Variants in TTC29 observed in about 807,000 individuals in gnomAD.
The protein encoded by TTC29 is tetratricopeptide repeat protein 29.
Under a neutral mutation model 58.1 loss-of-function variants are expected in TTC29, and 49 were observed. That is an observed-to-expected ratio of 0.84 (90% CI 0.67 to 1.07). The LOEUF is 1.07. TTC29 is among the 50% of genes least tolerant of loss of function. The pLI, the probability that TTC29 is intolerant of heterozygous loss-of-function variation, is 0.00. For missense variants in TTC29, 582 were observed against 555.6 expected (o/e 1.05, Z -0.48); for synonymous variants, 209 against 196.8 (o/e 1.06, Z -0.52).
intron 11 of TTC29, among the ~76,000 whole-genome samples, chr4:146,748,411 C>T (rs868165692): frequency 7.2e-5 from 11 of 152,142 alleles, no homozygotes; most frequent in African/African-American, 2.4e-4. Flanking sequence ...AACCTGGCTC[C>T]ACTGCCACTC....
chr4:146,842,495 T>C (rs1376719587), intron 8 of TTC29, among the ~76,000 whole-genome samples: 2 of 152,088 alleles, frequency 1.3e-5, no homozygotes, highest in Non-Finnish European at 2.9e-5. Flanking sequence ...CCCTACAGGT[T>C]AGCCATATTT....
intron 11 of TTC29, among the ~76,000 whole-genome samples, chr4:146,745,557 G>GAAC (rs1182221663): frequency 2.0e-5 from 3 of 152,190 alleles, no homozygotes; most frequent in Admixed American, 1.3e-4. Flanking sequence ...GCTAAAGTCT[G>GAAC]AACAATGGTT....
At chr4:146,898,915 C>A (rs1732953138) in intron 6 of TTC29, among the ~76,000 whole-genome samples, 2 of 152,122 alleles carry the variant, frequency 1.3e-5, no homozygotes, top group Admixed American at 6.5e-5. Flanking sequence ...GCCTCCTGCA[C>A]AGCTCAATGT....
intron 4 of TTC29, among the ~76,000 whole-genome samples, chr4:146,919,246 T>A (rs1450452993): frequency 2.0e-5 from 3 of 151,174 alleles, no homozygotes; most frequent in Non-Finnish European, 4.5e-5. Context: ...GCAAATCATA[T>A]GGATTCTTGT....
intron 8 of TTC29, among the ~76,000 whole-genome samples, chr4:146,853,921 T>A (rs1729671230): frequency 6.6e-6 from 1 of 152,116 alleles, no homozygotes; most frequent in African/African-American, 2.4e-5. Flanking sequence ...TGGGATCTTC[T>A]GTTTGACGGC....
chr4:146,757,028 C>T (rs565296377), intron 11 of TTC29, among the ~76,000 whole-genome samples: 1 of 152,242 alleles, frequency 6.6e-6, no homozygotes, highest in Admixed American at 6.5e-5. Context: ...AATTCTTTTT[C>T]AGGTAAATCA....
intron 11 of TTC29, among the ~76,000 whole-genome samples, chr4:146,714,529 G>A (rs549949652): frequency 6.6e-6 from 1 of 150,728 alleles, no homozygotes; most frequent in African/African-American, 2.4e-5. Flanking sequence ...AATTGCTGAA[G>A]ACTATAAACC....
intron 6 of TTC29, among the ~76,000 whole-genome samples, chr4:146,887,347 T>C (rs1732053221): frequency 6.6e-6 from 1 of 152,208 alleles, no homozygotes; most frequent in African/African-American, 2.4e-5. Flanking sequence ...TATGTGTTAC[T>C]GCCATTATGT....
intron 11 of TTC29, among the ~76,000 whole-genome samples, chr4:146,800,982 G>C (rs1015184348): frequency 3.3e-5 from 5 of 152,170 alleles, no homozygotes; most frequent in Non-Finnish European, 5.9e-5. Context: ...GCATCATGGA[G>C]GGTTTCAGCA....
chr4:146,774,814 G>A (rs1347180348), intron 11 of TTC29, among the ~76,000 whole-genome samples: 2 of 152,120 alleles, frequency 1.3e-5, no homozygotes, highest in Admixed American at 1.3e-4. Context: ...TCTCAGATCT[G>A]TATCAGTGAT....
chr4:146,836,722 T>G (rs540768174), intron 8 of TTC29, among the ~76,000 whole-genome samples: 29 of 152,136 alleles, frequency 1.9e-4, no homozygotes, highest in African/African-American at 7.0e-4. Flanking sequence ...GACATGCATG[T>G]TGCCAACATG....
intron 8 of TTC29, among the ~76,000 whole-genome samples, chr4:146,840,971 T>C (rs1579805203): frequency 6.6e-6 from 1 of 152,258 alleles, no homozygotes; most frequent in East Asian, 1.9e-4. Flanking sequence ...TGTCTAGTAA[T>C]GTGGACTAAG....
intron 11 of TTC29, among the ~76,000 whole-genome samples, chr4:146,714,854 G>A (rs1742809987): frequency 6.6e-6 from 1 of 152,128 alleles, no homozygotes; most frequent in South Asian, 2.1e-4. Flanking sequence ...GGGGAGAAAT[G>A]GAAGGATGTA....
chr4:146,873,585 T>A (rs1324932289), intron 7 of TTC29, among the ~76,000 whole-genome samples: 1 of 152,196 alleles, frequency 6.6e-6, no homozygotes, highest in Non-Finnish European at 1.5e-5. Context: ...TTCCTTTTCA[T>A]TGAAATTCCA....
At chr4:146,925,835 C>G (rs1734895531) in intron 4 of TTC29, among the ~76,000 whole-genome samples, 1 of 152,134 alleles carries the variant, frequency 6.6e-6, no homozygotes, top group African/African-American at 2.4e-5. Context: ...CCTGGAAATA[C>G]TGGAAAAGTC....
At chr4:146,742,605 CCCTTCCTTCCCTCCCTT>C (rs1269711530) in intron 11 of TTC29, among the ~76,000 whole-genome samples, 1 of 149,186 alleles carries the variant, frequency 6.7e-6, no homozygotes, top group Non-Finnish European at 1.5e-5. Context: ...TTCCTTCCCT[CCCTTCCTTCCCTCCCTT>C]CCTTCCTTCG....
intron 11 of TTC29, among the ~76,000 whole-genome samples, chr4:146,778,919 CT>C: frequency 1.6e-5 from 2 of 127,784 alleles, no homozygotes; most frequent in Middle Eastern, 9.9e-3. Context: ...AAAGCGCAGA[CT>C]TTACTGCTAC....
intron 4 of TTC29, among the ~76,000 whole-genome samples, chr4:146,926,494 A>T (rs1734940817): frequency 6.6e-6 from 1 of 151,764 alleles, no homozygotes; most frequent in African/African-American, 2.4e-5. Context: ...TTGTTTTGAG[A>T]CGGAGTCCTG....
intron 11 of TTC29, among the ~76,000 whole-genome samples, chr4:146,748,911 A>G (rs1745753483): frequency 1.3e-5 from 2 of 152,240 alleles, no homozygotes; most frequent in South Asian, 4.1e-4. Context: ...AAATCTATGA[A>G]TTACCTGAAA....
Sources: allele counts gnomAD v4.1 joint callset (sites outside exome capture counted in the v4.1 genomes callset), GRCh38; gene constraint gnomAD v4.1.1; transcripts MANE v1.5; gene names NCBI Gene and HGNC (gene_info 2026-07-23, HGNC 2026-07-21).